The following DLGAP2 variants were observed in gnomAD, a reference collection of about 807,000 sequenced individuals.
DLGAP2 encodes the protein DLG associated protein 2.
Under a neutral mutation model 100.3 loss-of-function variants are expected in DLGAP2, and 26 were observed. The ratio of observed to expected loss-of-function variants is 0.26; its 90% CI spans 0.19 to 0.36. DLGAP2 has a LOEUF of 0.36. DLGAP2 is among the 10% of genes least tolerant of loss of function. DLGAP2 has a pLI of 1.00. For synonymous variants in DLGAP2, 886 were observed against 630.1 expected (o/e 1.41, Z -6.08); for missense variants, 1,858 against 1,453.2 (o/e 1.28, Z -4.53).
intron 6 of DLGAP2, among the ~76,000 whole-genome samples, chr8:1,602,773 C>T (rs2957077): frequency 2.0e-5 from 3 of 152,216 alleles, no homozygotes; most frequent in African/African-American, 7.2e-5. Context: ...CAGATGCTCC[C>T]CAATGTCGTG....
chr8:808,605 G>T (rs1796311454), intron 1 of DLGAP2, among the ~76,000 whole-genome samples: 1 of 152,178 alleles, frequency 6.6e-6, no homozygotes, highest in Non-Finnish European at 1.5e-5. Flanking sequence ...TGGGCACCCA[G>T]GGCGGAGCCT....
At chr8:1,272,779 C>T (rs984644787) in intron 3 of DLGAP2, among the ~76,000 whole-genome samples, 7 of 152,080 alleles carry the variant, frequency 4.6e-5, no homozygotes, top group African/African-American at 7.2e-5. Flanking sequence ...ATGCAACAGA[C>T]GGCTCTCTAG....
At position 831,444 on chromosome 8, in the gene DLGAP2, C is replaced by G. The variant is rs374425074; in HGVS notation, c.19-76468C>G. Among the ~76,000 whole-genome samples, 139 of 152,176 alleles carry G rather than the reference C, an allele frequency of 9.1e-4. 1 individual carries two copies. The highest frequency in any genetic ancestry group is 4.4e-3 in the South Asian group (21 of 4,820). ...GGTGTTCTCATTGTTCAATTCCTAC[C>G]TATGAGTGAGAACATGTGGTGTTTG... On this transcript the variant is annotated intron_variant, in intron 1 of 14. Coordinates refer to ENST00000637795, the MANE Select transcript of DLGAP2 (RefSeq NM_001346810.2).
intron 3 of DLGAP2, among the ~76,000 whole-genome samples, chr8:1,426,883 T>C (rs905885476): frequency 1.4e-5 from 2 of 146,704 alleles, no homozygotes; most frequent in African/African-American, 4.9e-5. Flanking sequence ...ATTACTCCAA[T>C]GCATATGAAA....
chr8:1,595,584 G>A (rs959716653), intron 6 of DLGAP2, among the ~76,000 whole-genome samples: 18 of 150,040 alleles, frequency 1.2e-4, no homozygotes, highest in African/African-American at 3.9e-4. Flanking sequence ...GGAGAATGGC[G>A]TGAACCCGGG....
chr8:1,606,834 C>T (rs527727108), intron 6 of DLGAP2, among the ~76,000 whole-genome samples: 1 of 152,162 alleles, frequency 6.6e-6, no homozygotes, highest in African/African-American at 2.4e-5. Flanking sequence ...CAGATGTACA[C>T]CACCACACCC....
At chr8:827,815 G>A (rs1020403706) in intron 1 of DLGAP2, among the ~76,000 whole-genome samples, 1 of 152,056 alleles carries the variant, frequency 6.6e-6, no homozygotes, top group Non-Finnish European at 1.5e-5. Flanking sequence ...ATTTATTATC[G>A]GGGGACCTGC....
At chr8:1,290,349 G>A (rs904191866) in intron 3 of DLGAP2, among the ~76,000 whole-genome samples, 1 of 152,162 alleles carries the variant, frequency 6.6e-6, no homozygotes, top group African/African-American at 2.4e-5. Flanking sequence ...TGATGGTCCC[G>A]CTTTACAAAT....
chr8:754,406 T>G (rs1820867311), intron 1 of DLGAP2: 1 of 152,296 alleles, frequency 6.6e-6, no homozygotes, highest in Non-Finnish European at 1.5e-5. Context: ...GCCTGGGTTT[T>G]GCATGTTTTA....
At chr8:1,334,947 C>T (rs1282393445) in intron 3 of DLGAP2, among the ~76,000 whole-genome samples, 3 of 152,210 alleles carry the variant, frequency 2.0e-5, no homozygotes, top group African/African-American at 4.8e-5. Context: ...TCCCATCAGG[C>T]AGTATCCCGG....
intron 5 of DLGAP2, among the ~76,000 whole-genome samples, chr8:1,559,899 C>T (rs554640986): frequency 3.6e-4 from 55 of 152,322 alleles, no homozygotes; most frequent in Middle Eastern, 6.8e-3. Flanking sequence ...AAAGTAAACC[C>T]GGACCTCACC....
In DLGAP2 at chr8:1,669,627, C is replaced by A. The variant is rs191598203; in HGVS notation, c.2161-116C>A. 989 of 744,448 alleles carry A rather than the reference C, an allele frequency of 1.3e-3. 15 individuals are homozygous for A. In the East Asian group the frequency reaches 0.022, roughly 17 times the overall value. The allele number at this position is 744,448 out of a possible 1,614,324, so 46.1% of individuals were successfully genotyped here. A position where few individuals can be genotyped will look rare whatever the true frequency, so the allele number is the denominator to read the frequency against. On this transcript the variant is annotated intron_variant, in intron 9 of 14. Transcript: ENST00000637795. Reference sequence around the variant, plus strand: ...GAGGGTGAGTGGAGCGTGCTGAGAGCCGGGCCCGTGCGGCGCTGGTAGCTA... The same window carrying A: ...GAGGGTGAGTGGAGCGTGCTGAGAGACGGGCCCGTGCGGCGCTGGTAGCTA...
At position 1,344,117 on chromosome 8, in the gene DLGAP2, G is replaced by A. The variant is rs74454881; in HGVS notation, c.106+85234G>A. Among the ~76,000 whole-genome samples the A allele has an allele frequency of 2.4e-3, 299 of 125,676 alleles. 1 individual carries two copies. Among genetic ancestry groups the A allele is most frequent in the Non-Finnish European group, 2.0e-3 (115 of 57,620 alleles). The allele number at this position is 125,676 out of a possible 152,430, so 82.4% of individuals were successfully genotyped here. On this transcript the variant is annotated intron_variant, in intron 3 of 14. Coordinates refer to ENST00000637795, the MANE Select transcript of DLGAP2 (RefSeq NM_001346810.2). ...GGCCCTGTCGTGGGTCCATGTATTC[G>A]GGGCCCTGTCGTGGGTCCGTGTACT...
chr8:881,698 TAG>T (rs1797800835), intron 1 of DLGAP2, among the ~76,000 whole-genome samples: 1 of 71,584 alleles, frequency 1.4e-5, no homozygotes, highest in African/African-American at 4.9e-5. Flanking sequence ...TTTTTTTTTT[TAG>T]TAGAGACAGG....
At chr8:831,427 C>T (rs1373153516) in intron 1 of DLGAP2, among the ~76,000 whole-genome samples, 1 of 152,100 alleles carries the variant, frequency 6.6e-6, no homozygotes, top group East Asian at 1.9e-4. Flanking sequence ...CAGGTGTTCT[C>T]ATTGTTCAAT....
At chr8:1,421,686 C>G (rs917340449) in intron 3 of DLGAP2, among the ~76,000 whole-genome samples, 2 of 152,194 alleles carry the variant, frequency 1.3e-5, no homozygotes, top group African/African-American at 2.4e-5. Flanking sequence ...ATTCATAAGG[C>G]TAGGCACAGT....
intron 4 of DLGAP2, among the ~76,000 whole-genome samples, chr8:1,507,597 C>T (rs1419126200): frequency 6.6e-6 from 1 of 152,184 alleles, no homozygotes; most frequent in African/African-American, 2.4e-5. Context: ...TCAAGTGCGG[C>T]CGGAGTGGGC....
At chr8:1,084,854 C>T (rs1326567096) in intron 2 of DLGAP2, among the ~76,000 whole-genome samples, 1 of 152,172 alleles carries the variant, frequency 6.6e-6, no homozygotes, top group South Asian at 2.1e-4. Flanking sequence ...GCAGGCATCT[C>T]CACATGCTGA....
At chr8:1,550,697 C>G (rs148154709) in intron 5 of DLGAP2, among the ~76,000 whole-genome samples, 33 of 152,336 alleles carry the variant, frequency 2.2e-4, no homozygotes, top group African/African-American at 7.5e-4. Context: ...ATCCCTAGAG[C>G]TGGCATATTG....
Sources: allele counts gnomAD v4.1 joint callset (sites outside exome capture counted in the v4.1 genomes callset), GRCh38; gene constraint gnomAD v4.1.1; transcripts MANE v1.5; gene names NCBI Gene and HGNC (gene_info 2026-07-23, HGNC 2026-07-21).